CFAP299: variants seen among roughly 807,000 people sequenced by gnomAD.
CFAP299 encodes cilia- and flagella-associated protein 299.
In CFAP299, 21 loss-of-function variants were observed where a neutral mutation model predicts 27.0. The observed-to-expected ratio is 0.78, with a 90% CI of 0.55 to 1.12. The LOEUF is 1.12. CFAP299 is among the 50% of genes most tolerant of loss of function. CFAP299 has a pLI of 0.00. For missense variants in CFAP299, 310 were observed against 276.6 expected (o/e 1.12, Z -0.86); for synonymous variants, 104 against 98.1 (o/e 1.06, Z -0.36).
intron 2 of CFAP299, chr4:80,386,529 G>T (rs561587449): frequency 8.2e-6 from 13 of 1,580,806 alleles, no homozygotes; most frequent in East Asian, 6.8e-5. Context: ...GGGGGGTGCC[G>T]CCGGGTTTGC....
intron 2 of CFAP299, among the ~76,000 whole-genome samples, chr4:80,569,037 G>GC (rs1252905879): frequency 6.6e-6 from 1 of 152,114 alleles, no homozygotes; most frequent in Non-Finnish European, 1.5e-5. Flanking sequence ...TAGCCAGCCA[G>GC]CTAAGGCTCT....
At chr4:80,664,335 C>A (rs187133610) in intron 3 of CFAP299, among the ~76,000 whole-genome samples, 2 of 152,114 alleles carry the variant, frequency 1.3e-5, no homozygotes, top group Non-Finnish European at 2.9e-5. Flanking sequence ...TGAAGCTGCA[C>A]CCATGGATGC....
intron 2 of CFAP299, among the ~76,000 whole-genome samples, chr4:80,423,995 C>T (rs952865112): frequency 3.3e-5 from 5 of 152,194 alleles, no homozygotes; most frequent in African/African-American, 9.6e-5. Flanking sequence ...GGTGGCCATG[C>T]CCCAGACTGT....
At chr4:80,612,297 C>T (rs921485101) in intron 3 of CFAP299, among the ~76,000 whole-genome samples, 2 of 151,970 alleles carry the variant, frequency 1.3e-5, no homozygotes, top group African/African-American at 4.8e-5. Context: ...CCCTAAAACT[C>T]AGTGAGAGGG....
intron 3 of CFAP299, among the ~76,000 whole-genome samples, chr4:80,825,944 GT>G (rs1729963748): frequency 6.6e-6 from 1 of 151,816 alleles, no homozygotes. Flanking sequence ...CCAAAAACTA[GT>G]ATTATTGTAA....
At chr4:80,598,613 T>G (rs943196392) in intron 3 of CFAP299, among the ~76,000 whole-genome samples, 1 of 152,192 alleles carries the variant, frequency 6.6e-6, no homozygotes, top group African/African-American at 2.4e-5. Context: ...ATCCAAAATG[T>G]TAGCTCTTTC....
intron 3 of CFAP299, among the ~76,000 whole-genome samples, chr4:80,705,711 G>A (rs1266150155): frequency 6.6e-6 from 1 of 151,760 alleles, no homozygotes; most frequent in Non-Finnish European, 1.5e-5. Context: ...TTTAGTTGTT[G>A]CCTGAATGCA....
At chr4:80,879,697 G>T (rs779904264) in intron 4 of CFAP299, among the ~76,000 whole-genome samples, 1 of 152,116 alleles carries the variant, frequency 6.6e-6, no homozygotes, top group Non-Finnish European at 1.5e-5. Context: ...CTCAAGATGT[G>T]TAATTTTAAT....
intron 3 of CFAP299, among the ~76,000 whole-genome samples, chr4:80,769,519 G>C (rs1726088262): frequency 6.6e-6 from 1 of 152,044 alleles, no homozygotes. Flanking sequence ...TCAGCCTCCT[G>C]AGTAGCTGGG....
At chr4:80,950,404 A>G (rs1180657933) in intron 5 of CFAP299, among the ~76,000 whole-genome samples, 1 of 152,188 alleles carries the variant, frequency 6.6e-6, no homozygotes, top group Non-Finnish European at 1.5e-5. Context: ...ATGGCAAGCT[A>G]GAAAGTAACC....
intron 3 of CFAP299, among the ~76,000 whole-genome samples, chr4:80,837,522 G>A (rs1165123769): frequency 6.6e-6 from 1 of 152,060 alleles, no homozygotes; most frequent in Admixed American, 6.6e-5. Flanking sequence ...ACTTACCAGT[G>A]AGAACATGTG....
rs192949756 is a variant in CFAP299 at position 80,701,265 on chromosome 4, G to A, written c.333+118082G>A. On this transcript the variant is annotated intron_variant, in intron 3 of 5. Coordinates refer to ENST00000358105, the MANE Select transcript of CFAP299 (RefSeq NM_152770.3). ...TTAGAAAGGAAGATATTGAGTAAGA[G>A]GATATAGAAAACAGATTTCTCATAG... Among the ~76,000 whole-genome samples the A allele has an allele frequency of 5.0e-3, 766 of 151,900 alleles. 5 individuals carry two copies. Among genetic ancestry groups the A allele is most frequent in the Middle Eastern group, 0.021 (6 of 292 alleles).
At chr4:80,823,516 C>T (rs1321153525) in intron 3 of CFAP299, among the ~76,000 whole-genome samples, 2 of 152,108 alleles carry the variant, frequency 1.3e-5, no homozygotes, top group African/African-American at 2.4e-5. Context: ...TTTTCATATT[C>T]ATCTGTATAC....
At chr4:80,669,325 G>C (rs1741336904) in intron 3 of CFAP299, among the ~76,000 whole-genome samples, 1 of 151,210 alleles carries the variant, frequency 6.6e-6, no homozygotes, top group African/African-American at 2.4e-5. Context: ...CTAATCTTTT[G>C]TAATTTTAGT....
At chr4:80,752,933 G>A (rs909436104) in intron 3 of CFAP299, among the ~76,000 whole-genome samples, 22 of 151,568 alleles carry the variant, frequency 1.5e-4, no homozygotes, top group African/African-American at 5.3e-4. Context: ...TCATCCTTGT[G>A]CTATTATTGT....
At chr4:80,423,941 G>A (rs536055571) in intron 2 of CFAP299, among the ~76,000 whole-genome samples, 1 of 152,276 alleles carries the variant, frequency 6.6e-6, no homozygotes, top group South Asian at 2.1e-4. Flanking sequence ...TTTCACTGCT[G>A]GCTCCCAAGG....
intron 2 of CFAP299, among the ~76,000 whole-genome samples, chr4:80,548,016 C>T (rs1431598530): frequency 6.6e-6 from 1 of 152,140 alleles, no homozygotes; most frequent in Non-Finnish European, 1.5e-5. Context: ...CCAGCAATCC[C>T]AGTATTGGGT....
intron 1 of CFAP299, among the ~76,000 whole-genome samples, 184 bp downstream of exon 1, chr4:80,336,063 C>T (rs1393011081): frequency 2.0e-5 from 3 of 152,218 alleles, no homozygotes; most frequent in African/African-American, 7.2e-5. Context: ...GCCCCGCGCT[C>T]CCCGGTCCGG....
intron 2 of CFAP299, among the ~76,000 whole-genome samples, chr4:80,489,325 C>T (rs1267722335): frequency 6.6e-6 from 1 of 152,022 alleles, no homozygotes; most frequent in Admixed American, 6.6e-5. Context: ...CTTGGTAAGC[C>T]CTAAAGTTGG....
Sources: gnomAD v4.1 joint callset for allele counts (sites outside exome capture counted in the v4.1 genomes callset) on GRCh38, gnomAD v4.1.1 for gene constraint, MANE v1.5 for transcripts, NCBI Gene and HGNC (gene_info 2026-07-23, HGNC 2026-07-21) for gene names.